ARAP2: variants seen among roughly 807,000 people sequenced by gnomAD.
ARAP2 encodes the protein ArfGAP with RhoGAP domain, ankyrin repeat and PH domain 2.
In ARAP2, 148 loss-of-function variants were observed where a neutral mutation model predicts 194.5. The ratio of observed to expected loss-of-function variants is 0.76; its 90% confidence interval spans 0.67 to 0.87. ARAP2 has a LOEUF of 0.87. Among genes scored for constraint, ARAP2 ranks in the 40% least tolerant of loss-of-function variants. The pLI, the probability that ARAP2 is intolerant of heterozygous loss-of-function variation, is 0.00. For synonymous variants in ARAP2, 695 were observed against 683.5 expected (o/e 1.02, Z -0.26); for missense variants, 2,128 against 1,989.7 (o/e 1.07, Z -1.32).
chr4:36,169,018 C>T (rs371267729), intron 9 of ARAP2, among the ~76,000 whole-genome samples: 7 of 152,086 alleles, frequency 4.6e-5, no homozygotes, highest in African/African-American at 1.4e-4. Context: ...ATGACATACC[C>T]GTTGGATAAA....
intron 8 of ARAP2, among the ~76,000 whole-genome samples, chr4:36,180,269 T>TC (rs1344435738): frequency 2.7e-5 from 4 of 149,714 alleles, no homozygotes; most frequent in Non-Finnish European, 5.9e-5. Flanking sequence ...CAAAACTTCG[T>TC]CCCCCCGCTC....
intron 9 of ARAP2, among the ~76,000 whole-genome samples, chr4:36,011,519 C>T (rs2889174): frequency 0.47 from 70,678 of 151,898 alleles, 17,740 homozygotes; most frequent in African/African-American, 0.66. Flanking sequence ...TATTTTATCA[C>T]CAAACTCTTT....
intron 2 of ARAP2, among the ~76,000 whole-genome samples, chr4:36,056,554 T>C (rs1480521864): frequency 1.3e-5 from 2 of 152,218 alleles, no homozygotes; most frequent in African/African-American, 4.8e-5. Context: ...ATATATTTTA[T>C]GTGTGTCTCT....
chr4:36,014,605 C>T (rs1406755171), intron 8 of ARAP2, among the ~76,000 whole-genome samples: 2 of 152,086 alleles, frequency 1.3e-5, no homozygotes, highest in African/African-American at 4.8e-5. Flanking sequence ...ATCAGAAATT[C>T]AATAGCTTTT....
At chr4:36,082,386 G>C in intron 29 of ARAP2, 100 bp from the exon 30 acceptor site, 1 of 1,190,914 alleles carries the variant, frequency 8.4e-7, no homozygotes, top group Non-Finnish European at 1.2e-6. Flanking sequence ...TTTAATGGTG[G>C]GAATGCATAG....
intron 28 of ARAP2, among the ~76,000 whole-genome samples, chr4:36,086,282 T>C (rs1047194372): frequency 6.6e-6 from 1 of 152,082 alleles, no homozygotes; most frequent in South Asian, 2.1e-4. Context: ...ACACAGGACA[T>C]TGATGATTTC....
Position 36,077,870 on chromosome 4 carries a change from C to G in ARAP2, c.4608+2346G>C, listed in dbSNP as rs533846658. ...CAGTGATGATGTCTCAGGACATACC[C>G]TGCTGGCCCCATTCCTGAATGATCC... On this transcript the variant is annotated intron_variant, in intron 31 of 32. Transcript: ENST00000303965. 2.6e-5 allele frequency among the ~76,000 whole-genome samples: 4 copies of G among 152,210 alleles called. No individual in the cohort carries two copies. In the East Asian group the frequency reaches 7.7e-4, roughly 29 times the overall value.
chr4:36,202,965 C>G (rs1326043617), intron 6 of ARAP2, among the ~76,000 whole-genome samples: 1 of 152,092 alleles, frequency 6.6e-6, no homozygotes, highest in East Asian at 1.9e-4. Flanking sequence ...CTCTGAAAAT[C>G]TCAGGAAATA....
chr4:36,034,600 T>C (rs1719595170), intron 5 of ARAP2, among the ~76,000 whole-genome samples: 2 of 152,162 alleles, frequency 1.3e-5, no homozygotes, highest in Non-Finnish European at 2.9e-5. Flanking sequence ...CAAAGATCTT[T>C]AGACTTCTCT....
At chr4:36,072,274 G>C (rs953285513) in intron 32 of ARAP2, among the ~76,000 whole-genome samples, 1 of 152,014 alleles carries the variant, frequency 6.6e-6, no homozygotes, top group African/African-American at 2.4e-5. Context: ...AAATTTTCCA[G>C]TAATTGAAAA....
intron 9 of ARAP2, among the ~76,000 whole-genome samples, chr4:36,171,351 A>T (rs961098839): frequency 1.8e-4 from 28 of 152,312 alleles, no homozygotes; most frequent in African/African-American, 6.3e-4. Context: ...TAAAAAATGA[A>T]GAGTTCATGT....
intron 3 of ARAP2, chr4:36,047,197 T>C (rs1376254567): frequency 6.6e-6 from 1 of 152,276 alleles, no homozygotes; most frequent in African/African-American, 2.4e-5. Flanking sequence ...GGTTTTCAGC[T>C]GTCCTCCTAC....
intron 15 of ARAP2, among the ~76,000 whole-genome samples, chr4:36,152,059 A>G (rs1468923139): frequency 6.6e-6 from 1 of 152,214 alleles, no homozygotes; most frequent in East Asian, 1.9e-4. Flanking sequence ...ATGAAAGAAA[A>G]TAAGACAATG....
chr4:36,240,677 T>G lies in ARAP2; in HGVS notation c.-160+3502A>C, dbSNP rs541543131. ...TGCCTGGTAAGCAACAAGCATTTAATTAGTGTCTTCTGGATGGAGAATAAT... is the reference window on the plus strand; with the variant it reads ...TGCCTGGTAAGCAACAAGCATTTAAGTAGTGTCTTCTGGATGGAGAATAAT... On this transcript the variant is annotated intron_variant, in intron 1 of 32. Coordinates refer to ENST00000303965, the MANE Select transcript of ARAP2 (RefSeq NM_015230.4). Among the ~76,000 whole-genome samples the G allele has an allele frequency of 2.6e-5, 4 of 152,360 alleles. No homozygotes were observed. In the South Asian group the frequency reaches 8.3e-4, roughly 32 times the overall value.
At chr4:36,062,335 G>C (rs1200154431), downstream of ARAP2, among the ~76,000 whole-genome samples, 1 of 152,146 alleles carries the variant, frequency 6.6e-6, no homozygotes, top group East Asian at 1.9e-4. Flanking sequence ...GCCTCCTTCA[G>C]TGATAAGAAG....
At chr4:36,005,745 C>T (rs1713149643) in intron 10 of ARAP2, 2 of 151,954 alleles carry the variant, frequency 1.3e-5, no homozygotes, top group South Asian at 4.2e-4. Context: ...AGACAAACAC[C>T]AAATACAGTA....
chr4:36,170,121 G>C (rs1736262188), intron 9 of ARAP2, among the ~76,000 whole-genome samples: 1 of 152,110 alleles, frequency 6.6e-6, no homozygotes. Context: ...CAGAGACTCT[G>C]ATTCCATGAA....
chr4:36,094,312 C>T (rs188901683), intron 27 of ARAP2, among the ~76,000 whole-genome samples: 51 of 152,180 alleles, frequency 3.4e-4, no homozygotes, highest in Admixed American at 2.9e-3. Context: ...TCTGTGGCTG[C>T]GAACATGATA....
chr4:36,040,670 T>A (rs1209748734), intron 5 of ARAP2, among the ~76,000 whole-genome samples: 1 of 143,140 alleles, frequency 7.0e-6, no homozygotes, highest in South Asian at 2.4e-4. Flanking sequence ...GGAATGCTAG[T>A]GATGTTTGTA....
Sources: gnomAD v4.1 joint callset for allele counts (sites outside exome capture counted in the v4.1 genomes callset) on GRCh38, gnomAD v4.1.1 for gene constraint, MANE v1.5 for transcripts, NCBI Gene and HGNC (gene_info 2026-07-23, HGNC 2026-07-21) for gene names.